GAREM1: variants seen among roughly 807,000 people sequenced by gnomAD.
GAREM1 encodes the protein GRB2-associated and regulator of MAPK protein 1.
A neutral mutation model predicts 71.3 loss-of-function variants in GAREM1; 26 were observed. The ratio of observed to expected loss-of-function variants is 0.36; its 90% CI spans 0.27 to 0.51. The LOEUF (loss-of-function observed/expected upper bound fraction) is 0.51, where lower values mean the gene tolerates loss of function less well. GAREM1 is among the 20% of genes least tolerant of loss of function. The pLI is 0.95. For synonymous variants in GAREM1, 440 were observed against 433.2 expected (o/e 1.02, Z -0.20); for missense variants, 1,026 against 1,103.1 (o/e 0.93, Z 0.99).
intron 2 of GAREM1, among the ~76,000 whole-genome samples, chr18:32,330,297 C>CT (rs975863211): frequency 6.6e-6 from 1 of 152,088 alleles, no homozygotes; most frequent in Non-Finnish European, 1.5e-5. Context: ...CAAGTGGGAG[C>CT]TAAACATTGG....
intron 4 of GAREM1, among the ~76,000 whole-genome samples, chr18:32,275,176 A>G (rs2041522772): frequency 6.6e-6 from 1 of 152,192 alleles, no homozygotes; most frequent in Admixed American, 6.5e-5. Context: ...GGTGAAAATG[A>G]CAGTGACAGT....
chr18:32,414,229 A>T (rs1432109006), intron 1 of GAREM1, among the ~76,000 whole-genome samples: 1 of 152,164 alleles, frequency 6.6e-6, no homozygotes, highest in African/African-American at 2.4e-5. Context: ...TGGCTCAATA[A>T]ATGTAAGGAC....
At chr18:32,455,625 A>C (rs1014805570) in intron 1 of GAREM1, among the ~76,000 whole-genome samples, 1 of 152,136 alleles carries the variant, frequency 6.6e-6, no homozygotes, top group African/African-American at 2.4e-5. Context: ...GGCATTTAAC[A>C]AGCTACTATC....
At chr18:32,387,188 T>C (rs931956208) in intron 2 of GAREM1, among the ~76,000 whole-genome samples, 3 of 152,260 alleles carry the variant, frequency 2.0e-5, no homozygotes, top group Admixed American at 6.5e-5. Flanking sequence ...ATTTGATGAA[T>C]AGATACATTA....
At chr18:32,353,183 TAAAGA>T (rs1479964331) in intron 2 of GAREM1, among the ~76,000 whole-genome samples, 3 of 152,186 alleles carry the variant, frequency 2.0e-5, no homozygotes, top group African/African-American at 7.2e-5. Context: ...TGTCCACACA[TAAAGA>T]AATGTACAAA....
chr18:32,412,236 C>T (rs1365082953), intron 1 of GAREM1: 2 of 1,572,030 alleles, frequency 1.3e-6, no homozygotes, highest in Non-Finnish European at 1.7e-6. Context: ...GCCACTGACA[C>T]AGCTACTGCT....
intron 1 of GAREM1, among the ~76,000 whole-genome samples, chr18:32,411,418 A>C (rs1253643319): frequency 6.6e-6 from 1 of 152,242 alleles, no homozygotes; most frequent in Non-Finnish European, 1.5e-5. Flanking sequence ...CATAAAATAC[A>C]AAAGAATCAA....
At chr18:32,421,616 T>A (rs1471249694) in intron 1 of GAREM1, among the ~76,000 whole-genome samples, 2 of 151,888 alleles carry the variant, frequency 1.3e-5, no homozygotes, top group Non-Finnish European at 2.9e-5. Flanking sequence ...GAAGGCAGAA[T>A]CAAAAAAAGG....
At chr18:32,397,733 TAGAC>T (rs944345928) in intron 1 of GAREM1, among the ~76,000 whole-genome samples, 1 of 152,142 alleles carries the variant, frequency 6.6e-6, no homozygotes, top group African/African-American at 2.4e-5. Context: ...CTGTCAACAT[TAGAC>T]AGATAGAGAC....
At chr18:32,286,250 A>G (rs2047016512) in intron 4 of GAREM1, among the ~76,000 whole-genome samples, 1 of 152,116 alleles carries the variant, frequency 6.6e-6, no homozygotes, top group Non-Finnish European at 1.5e-5. Flanking sequence ...TTTTAGTTTT[A>G]CATTAGAATC....
At chr18:32,443,544 C>T (rs1170253065) in intron 1 of GAREM1, among the ~76,000 whole-genome samples, 7 of 152,062 alleles carry the variant, frequency 4.6e-5, no homozygotes. Flanking sequence ...TGCTCAACAT[C>T]GTTAGTCATC....
chr18:32,339,863 G>A (rs771820270), intron 2 of GAREM1, among the ~76,000 whole-genome samples: 1 of 152,122 alleles, frequency 6.6e-6, no homozygotes, highest in Non-Finnish European at 1.5e-5. Context: ...CCTTCCATCC[G>A]AATGTTTCCT....
At chr18:32,381,678 G>A (rs1260112941) in intron 2 of GAREM1, among the ~76,000 whole-genome samples, 2 of 152,180 alleles carry the variant, frequency 1.3e-5, no homozygotes, top group Admixed American at 1.3e-4. Flanking sequence ...CTCACCTGCA[G>A]GGGAGGGAGG....
At chr18:32,336,552 T>C (rs890589463) in intron 2 of GAREM1, among the ~76,000 whole-genome samples, 2 of 152,252 alleles carry the variant, frequency 1.3e-5, no homozygotes, top group African/African-American at 2.4e-5. Context: ...CATGCTGTAC[T>C]TTCTTCTGGA....
At chr18:32,305,060 A>C (rs537195069) in intron 3 of GAREM1, among the ~76,000 whole-genome samples, 33 of 152,170 alleles carry the variant, frequency 2.2e-4, no homozygotes, top group East Asian at 1.2e-3. Context: ...TTAAAAAAAA[A>C]CCCCACAAAT....
intron 2 of GAREM1, chr18:32,331,746 A>T (rs1412370922): frequency 6.6e-6 from 1 of 151,914 alleles, no homozygotes; most frequent in Non-Finnish European, 1.5e-5. Flanking sequence ...ACAGGTCACA[A>T]TTGTATTGTT....
At chr18:32,313,603 A>T (rs1287943792) in intron 2 of GAREM1, among the ~76,000 whole-genome samples, 2 of 152,158 alleles carry the variant, frequency 1.3e-5, no homozygotes, top group Non-Finnish European at 2.9e-5. Context: ...ATTATGTCAC[A>T]ATGAGGACAG....
chr18:32,339,560 C>A (rs2047629470), intron 2 of GAREM1, among the ~76,000 whole-genome samples: 2 of 152,192 alleles, frequency 1.3e-5, no homozygotes, highest in Admixed American at 1.3e-4. Context: ...TGGACCACCT[C>A]ATTCACACCT....
At chr18:32,345,033 G>A (rs563166424) in intron 2 of GAREM1, among the ~76,000 whole-genome samples, 1 of 152,290 alleles carries the variant, frequency 6.6e-6, no homozygotes, top group African/African-American at 2.4e-5. Context: ...CGGCACTCCA[G>A]CCTGGGCGAA....
Sources: allele counts gnomAD v4.1 joint callset (sites outside exome capture counted in the v4.1 genomes callset), GRCh38; gene constraint gnomAD v4.1.1; transcripts MANE v1.5; gene names NCBI Gene and HGNC (gene_info 2026-07-23, HGNC 2026-07-21).